The following ARHGAP8 variants were observed in gnomAD, a reference collection of about 807,000 sequenced individuals.
ARHGAP8 encodes the protein Rho GTPase activating protein 8.
ARHGAP8 carries 62 observed loss-of-function variants against 46.1 expected under a neutral mutation model. The observed-to-expected ratio is 1.34, with a 90% CI of 1.10 to 1.66. ARHGAP8 has a LOEUF of 1.66. ARHGAP8 is among the 40% of genes most tolerant of loss of function. The pLI is 0.00. For missense variants in ARHGAP8, 923 were observed against 568.4 expected, an observed-to-expected ratio of 1.62 and a Z score of -6.34; for synonymous variants, 375 against 243.1, an observed-to-expected ratio of 1.54 and a Z score of -5.05.
chr22:44,805,523 C>A (rs1358150523), intron 3 of ARHGAP8, among the ~76,000 whole-genome samples: 1 of 152,190 alleles, frequency 6.6e-6, no homozygotes, highest in African/African-American at 2.4e-5. Context: ...CTTTTATGTG[C>A]TTATCCAAGA....
chr22:44,833,528 A>G (rs1931100029), intron 7 of ARHGAP8, among the ~76,000 whole-genome samples: 1 of 152,022 alleles, frequency 6.6e-6, no homozygotes, highest in African/African-American at 2.4e-5. Context: ...ATTTGTGTTC[A>G]TGGTGTATAA....
At chr22:44,844,203 C>G (rs576501767) in intron 7 of ARHGAP8, among the ~76,000 whole-genome samples, 1 of 152,260 alleles carries the variant, frequency 6.6e-6, no homozygotes, top group South Asian at 2.1e-4. Context: ...AACTCCTGAC[C>G]TCGTGGTCTG....
At chr22:44,823,949 G>T (rs1930329688) in intron 6 of ARHGAP8, among the ~76,000 whole-genome samples, 1 of 152,132 alleles carries the variant, frequency 6.6e-6, no homozygotes, top group Non-Finnish European at 1.5e-5. Flanking sequence ...AACTTACTCA[G>T]TAGGCAGCCG....
chr22:44,843,413 A>G (rs1931776336), intron 7 of ARHGAP8, among the ~76,000 whole-genome samples: 1 of 152,264 alleles, frequency 6.6e-6, no homozygotes, highest in Non-Finnish European at 1.5e-5. Context: ...ATATGTGTAA[A>G]TAGAAAATAA....
chr22:44,840,535 A>T (rs1289245340), intron 7 of ARHGAP8, among the ~76,000 whole-genome samples: 2 of 152,218 alleles, frequency 1.3e-5, no homozygotes, highest in Non-Finnish European at 2.9e-5. Flanking sequence ...TACCATAAAC[A>T]GAGTGGTTTA....
intron 11 of ARHGAP8, among the ~76,000 whole-genome samples, chr22:44,861,449 G>A (rs374671566): frequency 2.0e-5 from 3 of 149,370 alleles, no homozygotes; most frequent in East Asian, 1.9e-4. Context: ...CACCTGCAAC[G>A]GGCTTGGGGG....
At chr22:44,858,334 G>A (rs531897975) in intron 10 of ARHGAP8, among the ~76,000 whole-genome samples, 174 of 151,728 alleles carry the variant, frequency 1.1e-3, no homozygotes, top group Non-Finnish European at 1.8e-3. Context: ...TGCACCCGCA[G>A]CGGGAACTTG....
At chr22:44,847,699 G>T (rs964952576) in intron 8 of ARHGAP8, among the ~76,000 whole-genome samples, 1 of 152,184 alleles carries the variant, frequency 6.6e-6, no homozygotes, top group Non-Finnish European at 1.5e-5. Flanking sequence ...CAGAGAGGCC[G>T]AGAGCTTTCT....
intron 1 of ARHGAP8, among the ~76,000 whole-genome samples, chr22:44,780,214 C>T (rs370467897): frequency 3.3e-5 from 5 of 152,244 alleles, no homozygotes; most frequent in South Asian, 4.2e-4. Context: ...CTCAGTGGGC[C>T]GGCACAGTGG....
chr22:44,808,726 G>C (rs1457069106), intron 4 of ARHGAP8: 3 of 561,280 alleles, frequency 5.3e-6, no homozygotes, highest in African/African-American at 1.9e-5. Flanking sequence ...TACTTTGGGA[G>C]GCCAAGGTGG....
chr22:44,854,501 G>A (rs990808588), intron 10 of ARHGAP8, among the ~76,000 whole-genome samples: 1 of 152,034 alleles, frequency 6.6e-6, no homozygotes, highest in Non-Finnish European at 1.5e-5. Context: ...CTAAAGTGCT[G>A]GGATTATAGG....
At chr22:44,856,503 A>G (rs1035794487) in intron 10 of ARHGAP8, among the ~76,000 whole-genome samples, 7 of 151,904 alleles carry the variant, frequency 4.6e-5, no homozygotes, top group African/African-American at 9.7e-5. Context: ...TGAACTCCTG[A>G]TCTCAGGTGA....
intron 6 of ARHGAP8, among the ~76,000 whole-genome samples, chr22:44,824,190 G>T (rs1338375536): frequency 6.6e-6 from 1 of 152,122 alleles, no homozygotes; most frequent in Non-Finnish European, 1.5e-5. Flanking sequence ...GTGACCTGGG[G>T]CATGTCACCA....
chr22:44,840,783 C>T (rs1353457252), intron 7 of ARHGAP8, among the ~76,000 whole-genome samples: 1 of 152,186 alleles, frequency 6.6e-6, no homozygotes, highest in East Asian at 1.9e-4. Flanking sequence ...GGACCTGCTT[C>T]CTGGTTCATA....
intron 7 of ARHGAP8, among the ~76,000 whole-genome samples, chr22:44,828,224 A>G (rs1204319416): frequency 6.6e-6 from 1 of 152,126 alleles, no homozygotes; most frequent in African/African-American, 2.4e-5. Flanking sequence ...TGGAACACAC[A>G]TTTTACTACC....
chr22:44,778,678 C>T (rs773456317), intron 1 of ARHGAP8, among the ~76,000 whole-genome samples: 6 of 152,268 alleles, frequency 3.9e-5, no homozygotes, highest in East Asian at 1.9e-4. Context: ...ACCGCAGCCA[C>T]GCCAATATCT....
chr22:44,854,237 CTTTTT>C (rs35201093), intron 10 of ARHGAP8, among the ~76,000 whole-genome samples: 1 of 130,410 alleles, frequency 7.7e-6, no homozygotes, highest in Non-Finnish European at 1.6e-5. Flanking sequence ...CCCCTTGTAT[CTTTTT>C]TTTTTTTTTT....
At chr22:44,766,972 T>C (rs1397134044) in intron 1 of ARHGAP8, among the ~76,000 whole-genome samples, 3 of 152,090 alleles carry the variant, frequency 2.0e-5, no homozygotes, top group Non-Finnish European at 4.4e-5. Flanking sequence ...TCTGGGAAAA[T>C]GGCCACTGCT....
intron 1 of ARHGAP8, among the ~76,000 whole-genome samples, chr22:44,762,444 A>AC (rs1002353864): frequency 1.3e-5 from 2 of 151,596 alleles, no homozygotes; most frequent in African/African-American, 2.4e-5. Flanking sequence ...TCTAAAACAA[A>AC]AAAAAATCTT....
Sources: gnomAD v4.1 joint callset for allele counts (sites outside exome capture counted in the v4.1 genomes callset) on GRCh38, gnomAD v4.1.1 for gene constraint, MANE v1.5 for transcripts, NCBI Gene and HGNC (gene_info 2026-07-23, HGNC 2026-07-21) for gene names.